Variants in CDKL2 observed in about 807,000 individuals in gnomAD.
CDKL2 encodes the protein cyclin-dependent kinase-like 2.
A neutral mutation model predicts 63.9 loss-of-function variants in CDKL2; 64 were observed. The observed-to-expected ratio is 1.00, with a 90% CI of 0.82 to 1.23. CDKL2 has a LOEUF of 1.23. Ranked by LOEUF, CDKL2 falls within the 50% of genes most tolerant of loss-of-function variation. The pLI is 0.00. For missense variants in CDKL2, 656 were observed against 668.0 expected (o/e 0.98, Z 0.20); for synonymous variants, 211 against 229.2 (o/e 0.92, Z 0.72).
chr4:75,613,434 T>G (rs1320180697), intron 3 of CDKL2, among the ~76,000 whole-genome samples: 3 of 152,200 alleles, frequency 2.0e-5, no homozygotes, highest in Non-Finnish European at 4.4e-5. Flanking sequence ...TTTAAATTTT[T>G]CTACCATTAA....
At chr4:75,600,447 C>T in intron 6 of CDKL2, 78 bp from the exon 7 acceptor site, 2 of 985,718 alleles carry the variant, frequency 2.0e-6, no homozygotes, top group South Asian at 3.1e-5. Context: ...GAAAAAAAAT[C>T]CTCTTTATAG....
chr4:75,583,487 C>A (rs1270572502), intron 12 of CDKL2, among the ~76,000 whole-genome samples: 2 of 152,144 alleles, frequency 1.3e-5, no homozygotes, highest in Admixed American at 6.6e-5. Flanking sequence ...AAATCTTTCA[C>A]GGAATCATAA....
intron 12 of CDKL2, among the ~76,000 whole-genome samples, chr4:75,587,699 C>T (rs1266999785): frequency 6.6e-6 from 1 of 150,792 alleles, no homozygotes; most frequent in Non-Finnish European, 1.5e-5. Flanking sequence ...ATCAGGAGAT[C>T]AAGACCATCC....
chr4:75,593,657 G>T (rs1264982182), intron 10 of CDKL2, among the ~76,000 whole-genome samples: 1 of 152,050 alleles, frequency 6.6e-6, no homozygotes, highest in Non-Finnish European at 1.5e-5. Flanking sequence ...AAGCCTTCCT[G>T]ATTAAAATAA....
At chr4:75,626,780 A>G (rs946071549) in intron 1 of CDKL2, among the ~76,000 whole-genome samples, 2 of 152,050 alleles carry the variant, frequency 1.3e-5, no homozygotes, top group Non-Finnish European at 2.9e-5. Context: ...GGTCCCAGCT[A>G]CTTGGGAGGC....
At chr4:75,589,986 A>G (rs1478867457) in intron 12 of CDKL2, among the ~76,000 whole-genome samples, 1 of 151,486 alleles carries the variant, frequency 6.6e-6, no homozygotes, top group African/African-American at 2.4e-5. Flanking sequence ...TGTGTCCAAA[A>G]AAAAAAAAAA....
chr4:75,601,845 C>A (rs1165893075), intron 6 of CDKL2, among the ~76,000 whole-genome samples: 1 of 152,040 alleles, frequency 6.6e-6, no homozygotes, highest in Non-Finnish European at 1.5e-5. Flanking sequence ...TAGTTATAAG[C>A]TTATTAAACG....
At chr4:75,583,043 C>T (rs547098943) in intron 12 of CDKL2, among the ~76,000 whole-genome samples, 107 of 152,222 alleles carry the variant, frequency 7.0e-4, no homozygotes, top group African/African-American at 2.4e-3. Context: ...GCAAGAAATG[C>T]TAACAAGAAG....
At chr4:75,606,556 A>T (rs989421466) in intron 4 of CDKL2, among the ~76,000 whole-genome samples, 2 of 152,222 alleles carry the variant, frequency 1.3e-5, no homozygotes, top group South Asian at 4.1e-4. Flanking sequence ...CAGTTACAAG[A>T]ACTCAAAGAA....
intron 2 of CDKL2, among the ~76,000 whole-genome samples, chr4:75,616,422 G>T (rs1729927486): frequency 6.6e-6 from 1 of 152,102 alleles, no homozygotes; most frequent in South Asian, 2.1e-4. Flanking sequence ...CAGCACTTTG[G>T]GAGGCTGAGG....
Position 75,576,561 on chromosome 4 carries a change from A to G in CDKL2, c.*2641T>C, listed in dbSNP as rs996110702. On this transcript the variant is annotated 3_prime_UTR_variant, in exon 14 of 14. Coordinates refer to ENST00000307465, the MANE Select transcript of CDKL2 (RefSeq NM_001330724.2). Reference sequence around the variant, plus strand: ...AAGCACCCTCTTCTAGTGCAAAAACACTTAATGCAAAAAACAACAGAGAAA... The same window carrying G: ...AAGCACCCTCTTCTAGTGCAAAAACGCTTAATGCAAAAAACAACAGAGAAA... 2.6e-5 allele frequency among the ~76,000 whole-genome samples: 4 copies of G among 152,240 alleles called. No individual in the cohort carries two copies. The highest frequency in any genetic ancestry group is 2.6e-4 in the Admixed American group (4 of 15,282).
At chr4:75,591,305 T>C (rs1388741290) in intron 12 of CDKL2, among the ~76,000 whole-genome samples, 1 of 152,160 alleles carries the variant, frequency 6.6e-6, no homozygotes, top group East Asian at 1.9e-4. Flanking sequence ...CTATAAAAAA[T>C]GGATTACTGG....
intron 2 of CDKL2, among the ~76,000 whole-genome samples, chr4:75,618,239 C>CTT (rs56002333): frequency 0.036 from 1,914 of 52,966 alleles, 759 homozygotes; most frequent in South Asian, 0.048. Context: ...ATTGAAAATT[C>CTT]TTTTTTTTTT....
intron 12 of CDKL2, among the ~76,000 whole-genome samples, chr4:75,587,849 A>G (rs1306823782): frequency 1.3e-5 from 2 of 149,974 alleles, no homozygotes; most frequent in African/African-American, 4.9e-5. Flanking sequence ...GCTTGCAGTG[A>G]GCCGAGATCG....
chr4:75,604,412 C>T (rs1729335440), intron 5 of CDKL2, among the ~76,000 whole-genome samples: 1 of 152,080 alleles, frequency 6.6e-6, no homozygotes, highest in Admixed American at 6.6e-5. Flanking sequence ...TCTGAAAATT[C>T]CACTGTAAGA....
At chr4:75,613,124 C>CAAAAAAAAA (rs143485625) in intron 3 of CDKL2, among the ~76,000 whole-genome samples, 2 of 142,332 alleles carry the variant, frequency 1.4e-5, no homozygotes, top group African/African-American at 2.6e-5. Context: ...GACTCCGTTT[C>CAAAAAAAAA]AAAAAAAAAT....
chr4:75,599,088 T>A (rs377409133), intron 7 of CDKL2, among the ~76,000 whole-genome samples: 22 of 152,350 alleles, frequency 1.4e-4, no homozygotes, highest in African/African-American at 5.3e-4. Context: ...TCAATATTTT[T>A]AAGATCTGCT....
chr4:75,586,820 G>A (rs955376921), intron 12 of CDKL2, among the ~76,000 whole-genome samples: 2 of 152,114 alleles, frequency 1.3e-5, no homozygotes, highest in African/African-American at 2.4e-5. Context: ...AGGTAAAGCA[G>A]TGCTTAGAGG....
intron 13 of CDKL2, among the ~76,000 whole-genome samples, chr4:75,580,231 C>G (rs1319128241): frequency 6.6e-6 from 1 of 151,882 alleles, no homozygotes; most frequent in Non-Finnish European, 1.5e-5. Context: ...TGCACTCCAG[C>G]CTGGGAGACA....
Sources: allele counts gnomAD v4.1 joint callset (sites outside exome capture counted in the v4.1 genomes callset), GRCh38; gene constraint gnomAD v4.1.1; transcripts MANE v1.5; gene names NCBI Gene and HGNC (gene_info 2026-07-23, HGNC 2026-07-21).